The following OGG1 variants were observed in gnomAD, a reference collection of about 807,000 sequenced individuals.
OGG1 encodes the protein N-glycosylase/DNA lyase.
In OGG1, 35 loss-of-function variants were observed where a neutral mutation model predicts 42.3. That is an observed-to-expected ratio of 0.83 (90% CI 0.63 to 1.10). The LOEUF (loss-of-function observed/expected upper bound fraction) is 1.10, where lower values mean the gene tolerates loss of function less well. Ranked by LOEUF, OGG1 falls within the 50% of genes least tolerant of loss-of-function variation. The pLI is 0.00. For synonymous variants in OGG1, 189 were observed against 179.0 expected, an observed-to-expected ratio of 1.06 and a Z score of -0.44; for missense variants, 484 against 446.7, an observed-to-expected ratio of 1.08 and a Z score of -0.75.
chr3:9,758,302 A>T (rs2077681886), downstream of OGG1: 1 of 155,796 alleles, frequency 6.4e-6, no homozygotes. Context: ...ACACCCCTCA[A>T]ATTCACCATG....
downstream of OGG1, chr3:9,760,146 A>T (rs1200447278): frequency 4.9e-6 from 1 of 205,044 alleles, no homozygotes; most frequent in African/African-American, 2.3e-5. Context: ...TGGGAGGCTG[A>T]GGCAGAGAAT....
At chr3:9,782,251 G>T (rs757909812) in intron 3 of OGG1, among the ~76,000 whole-genome samples, 1 of 152,170 alleles carries the variant, frequency 6.6e-6, no homozygotes, top group Non-Finnish European at 1.5e-5. Context: ...ACCTTTCAGA[G>T]AAAACAAACT....
At chr3:9,776,338 C>A (rs562265813) in intron 2 of OGG1, among the ~76,000 whole-genome samples, 1 of 152,124 alleles carries the variant, frequency 6.6e-6, no homozygotes, top group African/African-American at 2.4e-5. Flanking sequence ...TCTTTCTCTG[C>A]CCCAGGTCCC....
At chr3:9,782,155 T>G (rs2078484327) in intron 3 of OGG1, among the ~76,000 whole-genome samples, 1 of 152,188 alleles carries the variant, frequency 6.6e-6, no homozygotes, top group Non-Finnish European at 1.5e-5. Context: ...ACTACTTCTG[T>G]AACTGCACAT....
chr3:9,787,433 A>C, intron 3 of OGG1: 1 of 1,491,306 alleles, frequency 6.7e-7, no homozygotes, highest in Non-Finnish European at 8.9e-7. Flanking sequence ...TATCTCTCTC[A>C]AGTCCCTAGT....
downstream of OGG1, chr3:9,770,002 T>C (rs2078268431): frequency 1.3e-5 from 2 of 152,190 alleles, no homozygotes; most frequent in Admixed American, 1.3e-4. Flanking sequence ...CTGATGTCAG[T>C]GGAGGTGGAG....
downstream of OGG1, chr3:9,760,705 C>T (rs775518138): frequency 2.1e-5 from 34 of 1,614,066 alleles, no homozygotes; most frequent in Non-Finnish European, 2.8e-5. Context: ...CGTACTCGGC[C>T]TTCAAAATCT....
chr3:9,760,937 T>C (rs1219595102), downstream of OGG1: 9 of 1,041,632 alleles, frequency 8.6e-6, no homozygotes, highest in African/African-American at 1.3e-4. Context: ...TTATCCTTTC[T>C]GTTCCTTGTA....
intron 7 of OGG1, among the ~76,000 whole-genome samples, chr3:9,763,935 G>A (rs979116596): frequency 2.6e-5 from 4 of 151,946 alleles, no homozygotes; most frequent in African/African-American, 7.3e-5. Flanking sequence ...GCAGTGAGTC[G>A]AGATCATGCC....
chr3:9,768,439 T>C (rs2078216639), downstream of OGG1, among the ~76,000 whole-genome samples: 1 of 152,194 alleles, frequency 6.6e-6, no homozygotes, highest in South Asian at 2.1e-4. Flanking sequence ...TCTAACCCTA[T>C]CCAGCCTGGC....
chr3:9,765,007 A>G (rs1276502518), intron 7 of OGG1, among the ~76,000 whole-genome samples: 1 of 151,694 alleles, frequency 6.6e-6, no homozygotes, highest in Non-Finnish European at 1.5e-5. Context: ...CGGGTGGATC[A>G]CCTGAGGTCA....
intron 2 of OGG1, among the ~76,000 whole-genome samples, chr3:9,776,410 G>A (rs2078365505): frequency 9.5e-6 from 1 of 105,122 alleles, no homozygotes; most frequent in Admixed American, 1.2e-4. Context: ...TTTTTTTTGA[G>A]ATGAAGTCTC....
At chr3:9,787,781 G>A in exon 4 of OGG1, 1 of 1,164,362 alleles carries the variant, frequency 8.6e-7, no homozygotes, top group South Asian at 1.3e-5. Context: ...TCAAAGTGTT[G>A]TGGCAGCACA....
intron 2 of OGG1, chr3:9,780,512 G>A: frequency 6.2e-7 from 1 of 1,607,318 alleles, no homozygotes; most frequent in Non-Finnish European, 8.5e-7. Flanking sequence ...CGCACCCGCT[G>A]CCTCAGCTCC....
intron 3 of OGG1, 152 bp from the exon 4 acceptor site, chr3:9,754,552 A>G (rs2077448515): frequency 9.0e-6 from 7 of 781,228 alleles, no homozygotes; most frequent in Middle Eastern, 2.4e-4. Flanking sequence ...TTTCCCTTGC[A>G]CATAAAAGTG....
At chr3:9,761,911 A>T, downstream of OGG1, 2 of 1,202,000 alleles carry the variant, frequency 1.7e-6, no homozygotes, top group South Asian at 3.2e-5. Flanking sequence ...AGCTCTCAAG[A>T]AGGCCAAAAA....
intron 2 of OGG1, among the ~76,000 whole-genome samples, chr3:9,775,370 T>C (rs1361543691): frequency 6.6e-6 from 1 of 152,234 alleles, no homozygotes; most frequent in Non-Finnish European, 1.5e-5. Flanking sequence ...CAATGTATGA[T>C]TCCAGTTTCC....
chr3:9,780,472 A>G (rs1417243449), intron 2 of OGG1: 1 of 1,611,148 alleles, frequency 6.2e-7, no homozygotes, highest in Non-Finnish European at 8.5e-7. Context: ...GATCTTGCGA[A>G]AGGCGTCCAT....
intron 2 of OGG1, among the ~76,000 whole-genome samples, chr3:9,777,676 G>A (rs1474752856): frequency 2.6e-5 from 4 of 152,190 alleles, no homozygotes; most frequent in Admixed American, 2.0e-4. Flanking sequence ...AGGCCCAGTC[G>A]GTCTTCTAGG....
Sources: gnomAD v4.1 joint callset for allele counts (sites outside exome capture counted in the v4.1 genomes callset) on GRCh38, gnomAD v4.1.1 for gene constraint, MANE v1.5 for transcripts, NCBI Gene and HGNC (gene_info 2026-07-23, HGNC 2026-07-21) for gene names.